The following PAK1 variants were observed in gnomAD, a reference collection of about 807,000 sequenced individuals.
PAK1 encodes the protein serine/threonine-protein kinase PAK 1.
In PAK1, 29 loss-of-function variants were observed where a neutral mutation model predicts 67.4. The ratio of observed to expected loss-of-function variants is 0.43; its 90% CI spans 0.32 to 0.59. The LOEUF (loss-of-function observed/expected upper bound fraction) is 0.59. Ranked by LOEUF, PAK1 falls within the 20% of genes least tolerant of loss-of-function variation. PAK1 has a pLI of 0.07. For synonymous variants in PAK1, 223 were observed against 237.4 expected, an observed-to-expected ratio of 0.94 and a Z score of 0.56; for missense variants, 337 against 670.7, an observed-to-expected ratio of 0.50 and a Z score of 5.50.
intron 2 of PAK1, among the ~76,000 whole-genome samples, chr11:77,388,370 T>C (rs1950709486): frequency 1.3e-5 from 2 of 152,264 alleles, no homozygotes; most frequent in Non-Finnish European, 2.9e-5. Flanking sequence ...ATTTTGTTTT[T>C]TGAGACGGAG....
In PAK1 at chr11:77,474,029, C is replaced by A. The variant is rs1958004976; in HGVS notation, c.-499G>T. The A allele has an allele frequency of 6.6e-6, 1 of 152,186 alleles. No individual in the cohort carries two copies. Among genetic ancestry groups the A allele is most frequent in the East Asian group, 2.0e-4 (1 of 5,102 alleles). The allele number at this position is 152,186 out of a possible 1,614,324, so 9.4% of individuals were successfully genotyped here. A position where few individuals can be genotyped will look rare whatever the true frequency, so the allele number is the denominator to read the frequency against. The stretch of plus-strand genomic sequence containing the variant: ...TGAGGGGGCGTCTACTGTGCAGCCA[C>A]CACCTTCGGCTCCGGCTGCAGCCGC... On this transcript the variant is annotated 5_prime_UTR_variant, in exon 1 of 15. Transcript: ENST00000356341.
chr11:77,426,979 A>G (rs1429513015), intron 1 of PAK1, among the ~76,000 whole-genome samples: 1 of 152,238 alleles, frequency 6.6e-6, no homozygotes, highest in African/African-American at 2.4e-5. Context: ...TCAGAACAAG[A>G]AAAGTTCAAG....
chr11:77,413,575 C>T lies in PAK1; in HGVS notation c.-21-21034G>A, dbSNP rs187505374. On this transcript the variant is annotated intron_variant, in intron 1 of 14. Transcript: ENST00000356341. Reference sequence around the variant, plus strand: ...GCAGGCACCTGTAATCCCAGCTACTCGGGAGGCTGAGGCAGGAGAATCCCT... The same window carrying T: ...GCAGGCACCTGTAATCCCAGCTACTTGGGAGGCTGAGGCAGGAGAATCCCT... 9.3e-4 allele frequency among the ~76,000 whole-genome samples: 141 copies of T among 152,090 alleles called. 1 individual carries two copies. In the East Asian group the frequency reaches 0.017, roughly 18 times the overall value.
rs1295580814 is a variant in PAK1 at position 77,427,509 on chromosome 11, T to C, written c.-21-34968A>G. 2.6e-5 allele frequency among the ~76,000 whole-genome samples: 4 copies of C among 152,304 alleles called. No individual in the cohort carries two copies. In the South Asian group the frequency reaches 6.2e-4, roughly 24 times the overall value. ...ATGCCAGACTCCAAACCCTTTCTTG[T>C]AGTCAGAGCCTCTCAGACCTCAGTG... On this transcript the variant is annotated intron_variant, in intron 1 of 14. Coordinates refer to ENST00000356341, the MANE Select transcript of PAK1 (RefSeq NM_002576.5).
intron 1 of PAK1, among the ~76,000 whole-genome samples, chr11:77,414,154 T>C (rs1277332418): frequency 1.3e-5 from 2 of 152,252 alleles, no homozygotes. Flanking sequence ...CAACTATGTA[T>C]GTATGTAGGC....
intron 11 of PAK1, 59 bp from the exon 12 acceptor site, chr11:77,337,482 T>G: frequency 1.2e-6 from 1 of 843,868 alleles, no homozygotes; most frequent in East Asian, 2.6e-5. Flanking sequence ...TACAGAAGAC[T>G]TAATAGAAAA....
chr11:77,397,668 A>G (rs573754164), intron 1 of PAK1, among the ~76,000 whole-genome samples: 18 of 152,322 alleles, frequency 1.2e-4, no homozygotes, highest in Non-Finnish European at 2.1e-4. Flanking sequence ...TCAGAGAAGG[A>G]ATGTGCTCAC....
At chr11:77,516,503 A>G in the PAK1 span, among the ~76,000 whole-genome samples, 2 of 152,230 alleles carry the variant, frequency 1.3e-5, no homozygotes, top group Non-Finnish European at 2.9e-5. Flanking sequence ...CTTAGAACAT[A>G]TTAAGCAGTA....
chr11:77,344,129 G>A (rs1944047768), intron 9 of PAK1, 198 bp from the exon 10 acceptor site: 4 of 533,202 alleles, frequency 7.5e-6, no homozygotes, highest in South Asian at 4.9e-5. Flanking sequence ...TCATCTGGGA[G>A]CTTGTTGGAA....
chr11:77,423,329 CT>C (rs1386050410), intron 1 of PAK1, among the ~76,000 whole-genome samples: 25 of 137,848 alleles, frequency 1.8e-4, no homozygotes, highest in Admixed American at 5.7e-4. Context: ...TTTCCAAGTT[CT>C]TTAAAAAAAA....
At chr11:77,350,457 A>C (rs1370831013) in intron 8 of PAK1, among the ~76,000 whole-genome samples, 1 of 152,204 alleles carries the variant, frequency 6.6e-6, no homozygotes, top group Admixed American at 6.5e-5. Flanking sequence ...ATTCAAAATA[A>C]CTAAATCCAT....
chr11:77,370,841 T>A (rs1298576154), intron 5 of PAK1, among the ~76,000 whole-genome samples: 1 of 152,234 alleles, frequency 6.6e-6, no homozygotes, highest in Non-Finnish European at 1.5e-5. Flanking sequence ...AGACATCACA[T>A]ATCCAACTAC....
In PAK1 at chr11:77,394,092, A is replaced by G. The variant is rs1276531419; in HGVS notation, c.-21-1551T>C. On this transcript the variant is annotated intron_variant, in intron 1 of 14. Coordinates refer to ENST00000356341, the MANE Select transcript of PAK1 (RefSeq NM_002576.5). ...TTATCTTAAATAAACGTCCTTGACAATGGATACATATGAATGTATCCAGAG... is the reference window on the plus strand; with the variant it reads ...TTATCTTAAATAAACGTCCTTGACAGTGGATACATATGAATGTATCCAGAG... 2.0e-5 allele frequency among the ~76,000 whole-genome samples: 3 copies of G among 152,232 alleles called. No individual in the cohort carries two copies. In the East Asian group the frequency reaches 5.8e-4, roughly 29 times the overall value.
At chr11:77,446,873 T>C (rs1260788964) in intron 1 of PAK1, among the ~76,000 whole-genome samples, 3 of 146,852 alleles carry the variant, frequency 2.0e-5, no homozygotes, top group African/African-American at 7.6e-5. Context: ...AGAATAATAG[T>C]GAATAGGGGA....
chr11:77,502,793 A>G, the PAK1 span, among the ~76,000 whole-genome samples: 1 of 152,162 alleles, frequency 6.6e-6, no homozygotes, highest in African/African-American at 2.4e-5. Context: ...CATGGTGCAC[A>G]TATCTGCTTG....
At chr11:77,491,428 C>T in the PAK1 span, among the ~76,000 whole-genome samples, 1 of 151,860 alleles carries the variant, frequency 6.6e-6, no homozygotes, top group Non-Finnish European at 1.5e-5. Flanking sequence ...ATTTGGGAGG[C>T]TGAGGTAGGA....
chr11:77,328,089 C>T (rs1313058848), intron 14 of PAK1, among the ~76,000 whole-genome samples: 1 of 152,178 alleles, frequency 6.6e-6, no homozygotes, highest in African/African-American at 2.4e-5. Flanking sequence ...AGCTAACTAT[C>T]CTAAATATAT....
At chr11:77,354,259 C>T (rs929874482) in intron 7 of PAK1, among the ~76,000 whole-genome samples, 1 of 152,112 alleles carries the variant, frequency 6.6e-6, no homozygotes, top group South Asian at 2.1e-4. Context: ...ATACTTCCCC[C>T]CCAAGGTCAC....
chr11:77,431,137 T>C (rs1454002071), intron 1 of PAK1, among the ~76,000 whole-genome samples: 2 of 152,066 alleles, frequency 1.3e-5, no homozygotes, highest in Non-Finnish European at 2.9e-5. Context: ...GCCAAAAATG[T>C]TGGGGACCAC....
Sources: gnomAD v4.1 joint callset for allele counts (sites outside exome capture counted in the v4.1 genomes callset) on GRCh38, gnomAD v4.1.1 for gene constraint, MANE v1.5 for transcripts, NCBI Gene and HGNC (gene_info 2026-07-23, HGNC 2026-07-21) for gene names.